COQ3: variants seen among roughly 807,000 people sequenced by gnomAD.
COQ3 encodes coenzyme Q3, methyltransferase.
In COQ3, 29 loss-of-function variants were observed where a neutral mutation model predicts 33.1. The observed-to-expected ratio is 0.88, with a 90% CI of 0.65 to 1.19. The LOEUF (loss-of-function observed/expected upper bound fraction) is 1.19. COQ3 is among the 50% of genes most tolerant of loss of function. The probability of loss-of-function intolerance (pLI) is 0.00; values close to 1 mark genes in which losing one functional copy is unlikely to be tolerated. For synonymous variants in COQ3, 173 were observed against 157.8 expected, an observed-to-expected ratio of 1.10 and a Z score of -0.72; for missense variants, 437 against 430.7, an observed-to-expected ratio of 1.01 and a Z score of -0.13.
intron 1 of COQ3, among the ~76,000 whole-genome samples, chr6:99,386,184 C>T (rs1462918747): frequency 6.6e-6 from 1 of 151,930 alleles, no homozygotes; most frequent in Admixed American, 6.6e-5. Flanking sequence ...AAACCCAGAG[C>T]TTCGGGAGGC....
intron 1 of COQ3, among the ~76,000 whole-genome samples, chr6:99,391,152 G>A (rs1436646474): frequency 2.0e-5 from 3 of 151,480 alleles, no homozygotes; most frequent in African/African-American, 7.3e-5. Context: ...AGGCTGGAGT[G>A]CAGTGGTGGG....
intron 1 of COQ3, among the ~76,000 whole-genome samples, chr6:99,388,931 A>C (rs111440689): frequency 7.7e-3 from 376 of 48,908 alleles, no homozygotes; most frequent in Non-Finnish European, 0.014. Flanking sequence ...ACACACACAC[A>C]CACCCACATC....
In COQ3 at chr6:99,394,147, C is replaced by A; in HGVS notation, c.33G>T (p.Gly11=). The A allele has an allele frequency of 6.2e-7, 1 of 1,607,496 alleles. No individual in the cohort carries two copies. The highest frequency in any genetic ancestry group is 1.1e-5 in the South Asian group (1 of 90,872). Residue 11 remains glycine, a synonymous_variant, in exon 1 of 7, where the codon GGG becomes GGT. Transcript: ENST00000254759. MWSGRKLGSS[G]GWFLRVLGPG... is the part of the protein sequence containing the mutation. ...GCCCCAGCACTCTTAAAAACCAACC[C>A]CCGGAGGAGCCCAGCTTACGGCCAC...
intron 4 of COQ3, 80 bp downstream of exon 4, chr6:99,377,306 G>A: frequency 9.2e-7 from 1 of 1,090,028 alleles, no homozygotes; most frequent in Admixed American, 1.8e-5. Context: ...AATATTATTT[G>A]TTGAAAGAAT....
intron 1 of COQ3, among the ~76,000 whole-genome samples, chr6:99,392,707 C>A (rs984493062): frequency 1.3e-4 from 20 of 151,660 alleles, no homozygotes; most frequent in African/African-American, 4.8e-4. Context: ...CTTACTGCAA[C>A]CTCTGCCTCC....
chr6:99,391,642 C>T lies in COQ3; in HGVS notation c.106+2432G>A, dbSNP rs576127205. ...ACAACCCTTGATCTCTCTCTTACCTCCTCTATTTCTGGAAAATGAATCCCT... is the reference window on the plus strand; with the variant it reads ...ACAACCCTTGATCTCTCTCTTACCTTCTCTATTTCTGGAAAATGAATCCCT... On this transcript the variant is annotated intron_variant, in intron 1 of 6. Coordinates refer to ENST00000254759, the MANE Select transcript of COQ3 (RefSeq NM_017421.4). Among the ~76,000 whole-genome samples the T allele has an allele frequency of 3.9e-5, 6 of 152,258 alleles. No homozygotes were observed. The South Asian group carries it at 8.3e-4, about 21-fold the overall frequency.
chr6:99,383,827 G>GA lies in COQ3; in HGVS notation c.107-4dup, dbSNP rs201283634. ...ACTGAGCTGGTTCTTCACATAAACTGAAAAAAAAAATTAAATATCTAGAGA... is the reference window on the plus strand; with the variant it reads ...ACTGAGCTGGTTCTTCACATAAACTGAAAAAAAAAAATTAAATATCTAGAGA... On this transcript the variant is annotated splice_region_variant and splice_polypyrimidine_tract_variant and intron_variant, in intron 1 of 6. Coordinates refer to ENST00000254759, the MANE Select transcript of COQ3 (RefSeq NM_017421.4). The GA allele has an allele frequency of 5.6e-3, 8,149 of 1,457,530 alleles. 1 individual carries two copies. Among genetic ancestry groups the GA allele is most frequent in the Non-Finnish European group, 6.3e-3 (6,847 of 1,084,330 alleles). The allele number at this position is 1,457,530 out of a possible 1,614,324, so 90.3% of individuals were successfully genotyped here. A position where few individuals can be genotyped will look rare whatever the true frequency, so the allele number is the denominator to read the frequency against.
chr6:99,382,843 C>T (rs967899333), intron 2 of COQ3, among the ~76,000 whole-genome samples: 7 of 151,976 alleles, frequency 4.6e-5, no homozygotes, highest in Admixed American at 3.9e-4. Context: ...ATCCCAGCTA[C>T]TCAGGAGACT....
rs111716918 is a variant in COQ3, at chr6:99,384,033, G to A, written c.107-209C>T. Among the ~76,000 whole-genome samples the A allele has an allele frequency of 1.9e-3, 282 of 151,672 alleles. 2 individuals carry two copies. Among genetic ancestry groups the A allele is most frequent in the East Asian group, 8.9e-3 (46 of 5,168 alleles). On this transcript the variant is annotated intron_variant, in intron 1 of 6. Transcript: ENST00000254759. ...CTCCCGCCTCAGCTTCCCAAGTAGCGGGGACTACAAGCGCAGGCCACCAGG... is the reference window on the plus strand; with the variant it reads ...CTCCCGCCTCAGCTTCCCAAGTAGCAGGGACTACAAGCGCAGGCCACCAGG...
chr6:99,380,748 A>G (rs1562206103), intron 2 of COQ3, among the ~76,000 whole-genome samples: 2 of 152,002 alleles, frequency 1.3e-5, no homozygotes. Context: ...CTCTACTAAA[A>G]ATATAAAAAT....
chr6:99,369,754 C>T lies in COQ3; in HGVS notation c.956G>A (p.Ser319Asn), dbSNP rs760461566. ...TGCATAGTTAAGGCTGGTATTTTCA[C>T]TCCAATGCCAGTAACCTGAGAAGGG... ...YNPFSGYWHW[S>N]ENTSLNYAAY... The change falls in exon 7 of 7, where the codon AGT (serine) becomes AAT (asparagine). Residue 319 changes from serine (S) to asparagine (N), a missense_variant. Physicochemically the swap from Ser to Asn is conservative, Grantham distance 46. Coordinates refer to ENST00000254759, the MANE Select transcript of COQ3 (RefSeq NM_017421.4). The T allele has an allele frequency of 6.2e-7, 1 of 1,613,504 alleles. No individual in the cohort carries two copies. The highest frequency in any genetic ancestry group is 8.5e-7 in the Non-Finnish European group (1 of 1,179,666).
intron 1 of COQ3, among the ~76,000 whole-genome samples, chr6:99,387,459 CA>C (rs1774684393): frequency 6.6e-6 from 1 of 151,998 alleles, no homozygotes; most frequent in South Asian, 2.1e-4. Flanking sequence ...AAAAAACAAA[CA>C]AATGAAAACC....
Position 99,385,117 on chromosome 6 carries a change from CAT to C in COQ3, c.107-1295_107-1294del, listed in dbSNP as rs138712820. On this transcript the variant is annotated intron_variant, in intron 1 of 6. Transcript: ENST00000254759. ...CAGAGCAAGACTGTGCCTCAAAAAA[CAT>C]GTGTACATACCAACAACAGAATTTC... Among the ~76,000 whole-genome samples the C allele has an allele frequency of 3.3e-3, 508 of 152,206 alleles. 1 individual carries two copies. The highest frequency in any genetic ancestry group is 4.6e-3 in the Non-Finnish European group (316 of 67,978).
intron 5 of COQ3, among the ~76,000 whole-genome samples, chr6:99,374,986 C>CTTTT (rs781414728): frequency 1.4e-5 from 2 of 140,292 alleles, no homozygotes; most frequent in Non-Finnish European, 3.1e-5. Context: ...CAATTTCTTT[C>CTTTT]TTTTTTTTTT....
intron 5 of COQ3, among the ~76,000 whole-genome samples, chr6:99,372,816 T>G (rs183049492): frequency 1.3e-5 from 2 of 152,174 alleles, no homozygotes; most frequent in Admixed American, 1.3e-4. Flanking sequence ...AACATTCTCA[T>G]TAGCCTGATG....
rs75724180 is a variant in COQ3 at position 99,371,311 on chromosome 6, C to T, written c.889+117G>A. 4,602 of 622,258 alleles carry T rather than the reference C, an allele frequency of 7.4e-3. 163 individuals carry two copies. The African/African-American group carries it at 0.078, about 10-fold the overall frequency. The allele number at this position is 622,258 out of a possible 1,614,324, so 38.5% of individuals were successfully genotyped here. A position where few individuals can be genotyped will look rare whatever the true frequency, so the allele number is the denominator to read the frequency against. On this transcript the variant is annotated intron_variant, in intron 6 of 6. Transcript: ENST00000254759. The stretch of plus-strand genomic sequence containing the variant: ...GACCTAGTTGAGAAGATAAAACCAA[C>T]ATTCAAAAACATAGTGGCCTATTTT...
chr6:99,377,822 G>C (rs1341344815), intron 3 of COQ3, among the ~76,000 whole-genome samples: 1 of 151,714 alleles, frequency 6.6e-6, no homozygotes, highest in Non-Finnish European at 1.5e-5. Flanking sequence ...GTCAATACTT[G>C]CTAGACCCAT....
intron 3 of COQ3, among the ~76,000 whole-genome samples, chr6:99,379,160 CG>C (rs1464369345): frequency 2.0e-5 from 3 of 151,908 alleles, no homozygotes; most frequent in Non-Finnish European, 2.9e-5. Flanking sequence ...TGCTATCCCT[CG>C]CCCCTCATAC....
intron 1 of COQ3, among the ~76,000 whole-genome samples, chr6:99,390,674 G>A (rs1774800761): frequency 6.6e-6 from 1 of 152,092 alleles, no homozygotes; most frequent in Admixed American, 6.6e-5. Flanking sequence ...ACATGAAAAT[G>A]GTATCTTAGT....
Sources: allele counts gnomAD v4.1 joint callset (sites outside exome capture counted in the v4.1 genomes callset), GRCh38; gene constraint gnomAD v4.1.1; transcripts MANE v1.5; gene names NCBI Gene and HGNC (gene_info 2026-07-23, HGNC 2026-07-21).